C10orf143: variants seen among roughly 807,000 people sequenced by gnomAD.
C10orf143 encodes the protein uncharacterized protein C10orf143.
chr10:130,094,328 A>G (rs565346052), intron 1 of C10orf143, among the ~76,000 whole-genome samples: 2 of 152,336 alleles, frequency 1.3e-5, no homozygotes, highest in African/African-American at 4.8e-5. Context: ...TCCTTCTGAA[A>G]CTATTCCAAA....
At chr10:130,040,844 G>A (rs887805782) in intron 3 of C10orf143, among the ~76,000 whole-genome samples, 2 of 151,914 alleles carry the variant, frequency 1.3e-5, no homozygotes, top group Non-Finnish European at 2.9e-5. Flanking sequence ...AAAAAAAAAG[G>A]TAGAATGAAG....
chr10:130,104,610 TAAATC>T (rs1312188596), intron 1 of C10orf143: 1 of 152,232 alleles, frequency 6.6e-6, no homozygotes, highest in East Asian at 1.9e-4. Flanking sequence ...TCTGGATTAT[TAAATC>T]AAAGACTAGG....
intron 3 of C10orf143, among the ~76,000 whole-genome samples, chr10:130,047,158 T>A (rs903755984): frequency 3.3e-5 from 5 of 152,212 alleles, no homozygotes; most frequent in African/African-American, 1.2e-4. Context: ...CAATCCCCTG[T>A]GTGAGCCTGG....
rs1861172503 is a variant in C10orf143 at position 130,079,584 on chromosome 10, T to C, written c.279A>G (p.Arg93=). 5.0e-6 allele frequency: 2 copies of C among 399,098 alleles called. No individual in the cohort carries two copies. The highest frequency in any genetic ancestry group is 8.8e-6 in the Non-Finnish European group (2 of 226,070). 24.7% of individuals were successfully genotyped at this position (399,098 alleles called of 1,614,324 possible). A position where few individuals can be genotyped will look rare whatever the true frequency, so the allele number is the denominator to read the frequency against. Residue 93 remains arginine (R), a synonymous_variant, in exon 3 of 4, where the codon AGA becomes AGG. Coordinates refer to ENST00000637128, the MANE Select transcript of C10orf143 (RefSeq NM_001355042.2). ...GGRSSAQPCP[R]CIAGESGHFS... is the part of the protein sequence containing the mutation. ...CACTTACAGATTCCCCTGCAATACATCTTGGGCAAGGCTGGGCTGAGCTCC... is the reference window on the plus strand; with the variant it reads ...CACTTACAGATTCCCCTGCAATACACCTTGGGCAAGGCTGGGCTGAGCTCC...
At chr10:130,078,614 T>C (rs1047126780) in intron 3 of C10orf143, among the ~76,000 whole-genome samples, 9 of 152,222 alleles carry the variant, frequency 5.9e-5, no homozygotes, top group Non-Finnish European at 1.0e-4. Context: ...TAAACTTTGT[T>C]TTCCTATTTG....
intron 3 of C10orf143, among the ~76,000 whole-genome samples, chr10:130,071,619 A>G (rs1186412): frequency 0.98 from 149,908 of 152,342 alleles, 73,767 homozygotes; most frequent in East Asian, 1. Context: ...CTTAATATAT[A>G]CAGTTATATT....
In C10orf143 at chr10:130,081,195, T is replaced by C. The variant is rs141962078; in HGVS notation, c.70-1294A>G. Among the ~76,000 whole-genome samples, 503 of 152,002 alleles carry C rather than the reference T, an allele frequency of 3.3e-3. 6 individuals carry two copies. The highest frequency in any genetic ancestry group is 0.012 in the African/African-American group (478 of 41,454). On this transcript the variant is annotated intron_variant, in intron 1 of 3. Coordinates refer to ENST00000637128, the MANE Select transcript of C10orf143 (RefSeq NM_001355042.2). ...AAAAAGAGAGCAGGAGCAGATCACA[T>C]AGAACATAAGCCCAAAGTGTTAAAT... is the stretch of plus-strand genomic sequence containing the variant.
intron 3 of C10orf143, among the ~76,000 whole-genome samples, chr10:130,037,389 C>G (rs780167978): frequency 2.6e-5 from 4 of 152,240 alleles, no homozygotes; most frequent in Admixed American, 2.6e-4. Context: ...GATGAGCAAG[C>G]GAAACAAGAG....
chr10:130,097,782 T>G (rs1218047188), intron 1 of C10orf143, among the ~76,000 whole-genome samples: 1 of 152,142 alleles, frequency 6.6e-6, no homozygotes, highest in Non-Finnish European at 1.5e-5. Flanking sequence ...GAAAACATGA[T>G]GCAAACTGAA....
intron 1 of C10orf143, among the ~76,000 whole-genome samples, chr10:130,089,842 A>G (rs1590027566): frequency 2.6e-5 from 4 of 152,342 alleles, no homozygotes; most frequent in African/African-American, 9.6e-5. Flanking sequence ...GACACGATTC[A>G]ATATCCACAT....
intron 3 of C10orf143, among the ~76,000 whole-genome samples, chr10:130,057,928 C>T (rs1194306312): frequency 4.6e-5 from 7 of 152,314 alleles, no homozygotes; most frequent in East Asian, 3.9e-4. Context: ...GGCCCTCAGA[C>T]GTCATGACTC....
intron 3 of C10orf143, among the ~76,000 whole-genome samples, chr10:130,075,900 CTG>C: frequency 6.6e-6 from 1 of 152,064 alleles, no homozygotes; most frequent in East Asian, 1.9e-4. Context: ...GCCTGTGGAA[CTG>C]TGAGTCAACT....
intron 3 of C10orf143, among the ~76,000 whole-genome samples, chr10:130,041,902 G>T (rs1040845049): frequency 6.6e-6 from 1 of 151,936 alleles, no homozygotes; most frequent in Non-Finnish European, 1.5e-5. Flanking sequence ...ACACACACAT[G>T]CACACACTCA....
At chr10:130,096,463 A>T (rs997942206) in intron 1 of C10orf143, among the ~76,000 whole-genome samples, 3 of 151,390 alleles carry the variant, frequency 2.0e-5, no homozygotes, top group Admixed American at 6.6e-5. Context: ...AAGATTATAA[A>T]TCATTCTACT....
downstream of C10orf143, among the ~76,000 whole-genome samples, chr10:130,060,860 G>A (rs1007800085): frequency 1.3e-5 from 2 of 151,610 alleles, no homozygotes; most frequent in South Asian, 4.2e-4. Flanking sequence ...ATGCTAGGCC[G>A]GGCGCGGTGG....
chr10:130,080,563 C>T (rs1861189417), intron 1 of C10orf143, among the ~76,000 whole-genome samples: 1 of 152,152 alleles, frequency 6.6e-6, no homozygotes, highest in Admixed American at 6.5e-5. Context: ...GCAGGAGGAC[C>T]TCTGTAAACA....
intron 3 of C10orf143, among the ~76,000 whole-genome samples, chr10:130,050,193 C>T (rs1454828121): frequency 2.6e-5 from 4 of 152,240 alleles, no homozygotes; most frequent in African/African-American, 9.6e-5. Context: ...GAATGGGCCA[C>T]GCTCACACCC....
rs189039115 is a variant in C10orf143 at position 130,056,959 on chromosome 10, C to T, written c.298-20989G>A. ...GCTGGAGTAGGTGGCTCGATCATGG[C>T]TCACTGCAGCCTTGATCTCCTGGGC... On this transcript the variant is annotated intron_variant and NMD_transcript_variant, in intron 3 of 5. Coordinates refer to the C10orf143 transcript ENST00000643056. The surrounding 1 kb of genome is among the most constrained non-coding windows in gnomAD (Gnocchi z 4.6). Among the ~76,000 whole-genome samples, 194 of 152,178 alleles carry T rather than the reference C, an allele frequency of 1.3e-3. No homozygotes were observed. Among genetic ancestry groups the T allele is most frequent in the Non-Finnish European group, 2.3e-3 (158 of 68,034 alleles).
At chr10:130,101,182 G>A (rs1265153153) in intron 1 of C10orf143, 1 of 150,966 alleles carries the variant, frequency 6.6e-6, no homozygotes, top group African/African-American at 2.4e-5. Flanking sequence ...TCGTGCGACT[G>A]TACTCCAGCC....
Sources: allele counts gnomAD v4.1 joint callset (sites outside exome capture counted in the v4.1 genomes callset), GRCh38; gene constraint gnomAD v4.1.1; non-coding constraint Gnocchi (gnomAD v3.1); transcripts MANE v1.5; gene names NCBI Gene and HGNC (gene_info 2026-07-23, HGNC 2026-07-21).